The following SLC2A1 variants were observed in gnomAD, a reference collection of about 807,000 sequenced individuals.
The protein encoded by SLC2A1 is solute carrier family 2, facilitated glucose transporter member 1.
In SLC2A1, 4 loss-of-function variants were observed where a neutral mutation model predicts 46.6. The observed-to-expected ratio is 0.09, with a 90% CI of 0.04 to 0.20. The LOEUF (loss-of-function observed/expected upper bound fraction) is 0.20. SLC2A1 is among the 10% of genes least tolerant of loss of function. The pLI, the probability that SLC2A1 is intolerant of heterozygous loss-of-function variation, is 1.00. For synonymous variants in SLC2A1, 253 were observed against 270.0 expected, an observed-to-expected ratio of 0.94 and a Z score of 0.62; for missense variants, 352 against 667.0, an observed-to-expected ratio of 0.53 and a Z score of 5.20.
At chr1:42,950,433 G>A (rs994759595) in intron 1 of SLC2A1, among the ~76,000 whole-genome samples, 11 of 152,184 alleles carry the variant, frequency 7.2e-5, no homozygotes, top group Middle Eastern at 3.2e-3. Context: ...CTAAATAACC[G>A]AAAAGGTATG....
In SLC2A1 at chr1:42,930,893, A is replaced by G. The variant is rs1271278350; in HGVS notation, c.276-27T>C. ...TGGGGACGGGGTCACAGGTCAGGCC[A>G]GTGCCCACATTCCTTGGGCTCCGAG... On this transcript the variant is annotated intron_variant, in intron 3 of 9. Transcript: ENST00000426263. This position sits in a 1 kb window ranked among gnomAD's most constrained non-coding sequence, Gnocchi z 6.2. 3.7e-6 allele frequency: 6 copies of G among 1,602,324 alleles called. No individual in the cohort carries two copies. Among genetic ancestry groups the G allele is most frequent in the Non-Finnish European group, 4.2e-6 (5 of 1,179,924 alleles).
chr1:42,946,903 G>A (rs1643662196), intron 1 of SLC2A1, among the ~76,000 whole-genome samples: 2 of 152,216 alleles, frequency 1.3e-5, no homozygotes, highest in Admixed American at 1.3e-4. Flanking sequence ...TCACCTTGGA[G>A]TTGGATACAA....
chr1:42,955,202 T>G (rs1055541258), intron 1 of SLC2A1, among the ~76,000 whole-genome samples: 4 of 152,186 alleles, frequency 2.6e-5, no homozygotes, highest in Non-Finnish European at 5.9e-5. Context: ...GCAAGAAATA[T>G]TTATGGAGCA....
intron 8 of SLC2A1, among the ~76,000 whole-genome samples, 197 bp from the exon 9 acceptor site, chr1:42,928,005 C>T (rs921899466): frequency 2.0e-5 from 3 of 152,206 alleles, no homozygotes; most frequent in Admixed American, 2.0e-4. Context: ...TGCAGGGTGG[C>T]TGCAAGTGTT....
intron 2 of SLC2A1, among the ~76,000 whole-genome samples, chr1:42,935,661 C>T (rs557302286): frequency 2.6e-4 from 40 of 152,362 alleles, no homozygotes; most frequent in African/African-American, 9.1e-4. Flanking sequence ...TAAAGCTAGT[C>T]TCCAGACCCT....
intron 1 of SLC2A1, among the ~76,000 whole-genome samples, chr1:42,957,404 C>T (rs995478516): frequency 1.3e-4 from 20 of 152,180 alleles, no homozygotes; most frequent in African/African-American, 3.6e-4. Context: ...GGCCCAGCGC[C>T]ACCCCGCTCA....
chr1:42,934,569 C>T (rs76042949), intron 2 of SLC2A1, among the ~76,000 whole-genome samples: 2,720 of 152,238 alleles, frequency 0.018, 35 homozygotes, highest in Middle Eastern at 0.037. Flanking sequence ...ATGAGAAGAA[C>T]CCTACATGGG....
intron 1 of SLC2A1, among the ~76,000 whole-genome samples, chr1:42,956,407 C>CAAAAAAAAAA (rs71577684): frequency 2.5e-4 from 11 of 44,534 alleles, no homozygotes; most frequent in African/African-American, 1.2e-3. Context: ...ACTAAAACTA[C>CAAAAAAAAAA]AAAAAAAAAA....
chr1:42,951,883 G>C (rs1643725157), intron 1 of SLC2A1: 7 of 401,104 alleles, frequency 1.7e-5, no homozygotes, highest in Non-Finnish European at 2.6e-5. Flanking sequence ...GGGAGATGGA[G>C]GGCTGCCCCA....
At chr1:42,936,802 CCT>C (rs898768137) in intron 2 of SLC2A1, among the ~76,000 whole-genome samples, 1 of 152,152 alleles carries the variant, frequency 6.6e-6, no homozygotes, top group African/African-American at 2.4e-5. Context: ...GACCTAGACA[CCT>C]CACACCTTTG....
In SLC2A1 at chr1:42,926,916, A is replaced by G; in HGVS notation, c.*125T>C. 1 of 1,524,480 alleles carries G rather than the reference A, an allele frequency of 6.6e-7. No individual in the cohort carries two copies. 94.4% of individuals were successfully genotyped at this position (1,524,480 alleles called of 1,614,324 possible). Reference sequence around the variant, plus strand: ...TCTTCTGGACATCATTGCTGGCTGGAGAAAGGAGCCCCAGGCCCGGCTCGG... The same window carrying G: ...TCTTCTGGACATCATTGCTGGCTGGGGAAAGGAGCCCCAGGCCCGGCTCGG... On this transcript the variant is annotated 3_prime_UTR_variant, in exon 10 of 10. Coordinates refer to ENST00000426263, the MANE Select transcript of SLC2A1 (RefSeq NM_006516.4).
In SLC2A1 at chr1:42,930,271, C is replaced by T. The variant is rs571504563; in HGVS notation, c.517-236G>A. 2.4e-4 allele frequency: 151 copies of T among 631,414 alleles called. No homozygotes were observed. The East Asian group carries it at 2.7e-3, about 11-fold the overall frequency. The allele number at this position is 631,414 out of a possible 1,614,324, so 39.1% of individuals were successfully genotyped here. A position where few individuals can be genotyped will look rare whatever the true frequency, so the allele number is the denominator to read the frequency against. ...CAAATGACAAGGCCACAGATGTGTCCAGCACAGAGAATGGGGGCTGCTACT... is the reference window on the plus strand; with the variant it reads ...CAAATGACAAGGCCACAGATGTGTCTAGCACAGAGAATGGGGGCTGCTACT... On this transcript the variant is annotated intron_variant, in intron 4 of 9. Coordinates refer to ENST00000426263, the MANE Select transcript of SLC2A1 (RefSeq NM_006516.4). The surrounding 1 kb of genome is among the most constrained non-coding windows in gnomAD (Gnocchi z 6.2).
At chr1:42,950,977 A>G (rs1372947836) in intron 1 of SLC2A1, among the ~76,000 whole-genome samples, 1 of 152,210 alleles carries the variant, frequency 6.6e-6, no homozygotes, top group East Asian at 1.9e-4. Context: ...CTCCGTCTCA[A>G]AAAAAAGTCT....
At chr1:42,949,991 G>C (rs1643703367) in intron 1 of SLC2A1, among the ~76,000 whole-genome samples, 1 of 152,144 alleles carries the variant, frequency 6.6e-6, no homozygotes, top group African/African-American at 2.4e-5. Flanking sequence ...TCTGAGCCTT[G>C]CCCACTCTGA....
At chr1:42,937,684 A>C (rs1012082151) in intron 2 of SLC2A1, among the ~76,000 whole-genome samples, 2 of 152,240 alleles carry the variant, frequency 1.3e-5, no homozygotes, top group South Asian at 2.1e-4. Context: ...GTTATTTTGA[A>C]GAACAACTGA....
At chr1:42,945,809 C>G (rs995125921) in intron 1 of SLC2A1, among the ~76,000 whole-genome samples, 3 of 151,650 alleles carry the variant, frequency 2.0e-5, no homozygotes, top group Admixed American at 2.0e-4. Context: ...CCCGGGGGGG[C>G]CTGGGTGACT....
At chr1:42,952,428 A>G in intron 1 of SLC2A1, 1 of 475,010 alleles carries the variant, frequency 2.1e-6, no homozygotes, top group Non-Finnish European at 4.2e-6. Context: ...GTTGGGGATA[A>G]GGACTTCCAT....
At chr1:42,949,895 C>G (rs369384996) in intron 1 of SLC2A1, among the ~76,000 whole-genome samples, 6 of 152,268 alleles carry the variant, frequency 3.9e-5, no homozygotes, top group Admixed American at 1.3e-4. Context: ...TAGGTCCTCC[C>G]CCTTGTTTCC....
chr1:42,931,827 CAAAAA>C (rs35734592), intron 2 of SLC2A1, among the ~76,000 whole-genome samples: 60 of 106,268 alleles, frequency 5.6e-4, no homozygotes, highest in African/African-American at 2.1e-3. Context: ...CTCTATGTCT[CAAAAA>C]AAAAAAAAAA....
Sources: gnomAD v4.1 joint callset for allele counts (sites outside exome capture counted in the v4.1 genomes callset) on GRCh38, gnomAD v4.1.1 for gene constraint, Gnocchi (gnomAD v3.1) non-coding constraint, MANE v1.5 for transcripts, NCBI Gene and HGNC (gene_info 2026-07-23, HGNC 2026-07-21) for gene names.